GALP: variants seen among roughly 807,000 people sequenced by gnomAD.
GALP encodes galanin like peptide.
A neutral mutation model predicts 15.2 loss-of-function variants in GALP; 12 were observed. The observed-to-expected ratio is 0.79, with a 90% CI of 0.51 to 1.28. The LOEUF (loss-of-function observed/expected upper bound fraction) is 1.28, where lower values mean the gene tolerates loss of function less well. GALP is among the 50% of genes most tolerant of loss of function. The probability of loss-of-function intolerance (pLI) is 0.00; values close to 1 mark genes in which losing one functional copy is unlikely to be tolerated. For synonymous variants in GALP, 58 were observed against 55.1 expected (o/e 1.05, Z -0.23); for missense variants, 161 against 145.6 (o/e 1.11, Z -0.55).
At position 56,185,228 on chromosome 19, in the gene GALP, C is replaced by T. The variant is rs772755084; in HGVS notation, c.309C>T (p.Leu103=). ...AKPEIGDLGM[L]SMKIPKEEDV... is the part of the protein sequence containing the mutation. ...TCTTTCCCACAGATCTGGGCATGCT[C>T]AGCATGAAAATTCCCAAGGAGGAAG... The change falls in exon 6 of 6, where the codon CTC becomes CTT. Residue 103 remains leucine, a synonymous_variant. Coordinates refer to ENST00000357330, the MANE Select transcript of GALP (RefSeq NM_033106.4). 13 of 1,607,542 alleles carry T rather than the reference C, an allele frequency of 8.1e-6. No individual in the cohort carries two copies. Among genetic ancestry groups the T allele is most frequent in the South Asian group, 4.4e-5 (4 of 90,666 alleles).
chr19:56,182,868 T>C (rs553470331), intron 4 of GALP, among the ~76,000 whole-genome samples: 1 of 152,240 alleles, frequency 6.6e-6, no homozygotes, highest in East Asian at 1.9e-4. Flanking sequence ...TTTTAAACTT[T>C]TATTTTAGGT....
At chr19:56,180,733 ACT>A in intron 3 of GALP, 99 bp downstream of exon 3, 1 of 893,320 alleles carries the variant, frequency 1.1e-6, no homozygotes, top group Non-Finnish European at 1.8e-6. Context: ...ACCCACATTC[ACT>A]GAGGCCCATG....
intron 5 of GALP, among the ~76,000 whole-genome samples, chr19:56,184,644 T>C (rs901611212): frequency 2.0e-5 from 3 of 151,722 alleles, no homozygotes; most frequent in Non-Finnish European, 4.4e-5. Flanking sequence ...CCACCACGCC[T>C]GGCTAATTTT....
chr19:56,180,582 C>T lies in GALP; in HGVS notation c.88-4C>T, dbSNP rs375299451. On this transcript the variant is annotated splice_polypyrimidine_tract_variant and splice_region_variant and intron_variant, in intron 2 of 5. Coordinates refer to ENST00000357330, the MANE Select transcript of GALP (RefSeq NM_033106.4). ...TGAGTCTTGATTTCTGCATCTCTAT[C>T]CAGGGACGAGGAGGCTGGACCCTCA... The T allele has an allele frequency of 9.9e-6, 16 of 1,613,564 alleles. No homozygotes were observed. In the African/African-American group the frequency reaches 2.0e-4, roughly 20 times the overall value.
intron 2 of GALP, among the ~76,000 whole-genome samples, chr19:56,178,518 CAACA>C (rs1233502033): frequency 5.2e-5 from 3 of 57,398 alleles, no homozygotes; most frequent in African/African-American, 2.0e-4. Flanking sequence ...CTAACAACAA[CAACA>C]AAAAAAAAAA....
At position 56,183,156 on chromosome 19, in the gene GALP, C is replaced by T; in HGVS notation, c.239C>T (p.Pro80Leu). The change falls in exon 5 of 6, where the codon CCT (proline) becomes CTT (leucine). Residue 80 changes from proline (P) to leucine (L), a missense_variant. By Grantham distance (98) the Pro-to-Leu change is moderately conservative. Transcript: ENST00000357330. ...CTAGACGGGCTCCCCTACTCCCACC[C>T]TCCACAGCCCTCCAAGAGGAATGTG... Reference protein sequence around the residue: ...KAIDGLPYSHPPQPSKRNVME... With the variant: ...KAIDGLPYSHLPQPSKRNVME... 8.1e-6 allele frequency: 13 copies of T among 1,613,658 alleles called. No homozygotes were observed. Among genetic ancestry groups the T allele is most frequent in the Non-Finnish European group, 1.1e-5 (13 of 1,179,616 alleles).
intron 5 of GALP, among the ~76,000 whole-genome samples, chr19:56,184,933 C>G (rs951888478): frequency 2.6e-5 from 4 of 152,206 alleles, no homozygotes; most frequent in Non-Finnish European, 5.9e-5. Context: ...CATTCTGACT[C>G]TTGAAAACAC....
rs2032547417 is a variant in GALP at position 56,180,625 on chromosome 19, C to T, written c.127C>T (p.Leu43=). The part of the protein sequence containing the change: ...GWTLNSAGYL[L]GPVLHLPQMG... ...GACCCTCAATAGTGCTGGCTACCTT[C>T]TGGGTCCCGGTGAGTGAGGCTGCGC... is the stretch of plus-strand genomic sequence containing the variant. Residue 43 remains leucine (L), a synonymous_variant, in exon 3 of 6, where the codon CTG becomes TTG. Transcript: ENST00000357330. 6.2e-7 allele frequency: 1 copy of T among 1,613,830 alleles called. No individual in the cohort carries two copies. The highest frequency in any genetic ancestry group is 1.3e-5 in the African/African-American group (1 of 74,916).
chr19:56,182,301 G>A (rs1337446590), intron 4 of GALP, 49 bp downstream of exon 4: 1 of 1,403,454 alleles, frequency 7.1e-7, no homozygotes, highest in South Asian at 1.2e-5. Context: ...TCCCCTGCGG[G>A]CTCTCTCCTG....
At chr19:56,183,611 T>A (rs926558346) in intron 5 of GALP, among the ~76,000 whole-genome samples, 1 of 152,148 alleles carries the variant, frequency 6.6e-6, no homozygotes, top group Non-Finnish European at 1.5e-5. Context: ...TTATTTATTT[T>A]TTGGGGATGA....
chr19:56,181,395 C>CTTTTTTTTT (rs10656072), intron 3 of GALP, among the ~76,000 whole-genome samples: 1 of 81,316 alleles, frequency 1.2e-5, no homozygotes, highest in African/African-American at 5.8e-5. Context: ...TCTCTCTCTC[C>CTTTTTTTTT]TTTTTTTTTT....
chr19:56,177,605 C>G (rs1348738951), intron 2 of GALP, among the ~76,000 whole-genome samples: 2 of 152,178 alleles, frequency 1.3e-5, no homozygotes, highest in Non-Finnish European at 2.9e-5. Context: ...ATCCACCCGC[C>G]TTGGCCTCCC....
In GALP at chr19:56,177,085, T is replaced by C; in HGVS notation, c.-24T>C. ...CTCCTTGCAGCGTGTTCCGCAGCTG[T>C]AGGCACCTGTCGTCCTGCCTTCGAT... is the stretch of plus-strand genomic sequence containing the variant. On this transcript the variant is annotated 5_prime_UTR_variant, in exon 2 of 6. Transcript: ENST00000357330. 6.3e-7 allele frequency: 1 copy of C among 1,589,186 alleles called. No individual in the cohort carries two copies.
At chr19:56,178,801 T>G (rs1446137035) in intron 2 of GALP, among the ~76,000 whole-genome samples, 1 of 152,164 alleles carries the variant, frequency 6.6e-6, no homozygotes, top group African/African-American at 2.4e-5. Context: ...TCCTTTGCAG[T>G]TGGTTCTATT....
chr19:56,184,687 G>T (rs1330908001), intron 5 of GALP, among the ~76,000 whole-genome samples: 1 of 151,480 alleles, frequency 6.6e-6, no homozygotes, highest in African/African-American at 2.4e-5. Context: ...GTTTCACCAT[G>T]TTAGCCAGGA....
At chr19:56,179,703 A>T (rs528230606) in intron 2 of GALP, among the ~76,000 whole-genome samples, 2 of 144,120 alleles carry the variant, frequency 1.4e-5, no homozygotes, top group African/African-American at 5.2e-5. Context: ...GAGTGCAGGG[A>T]TGAGATCATA....
intron 2 of GALP, among the ~76,000 whole-genome samples, chr19:56,178,568 C>A (rs913861291): frequency 6.7e-6 from 1 of 149,132 alleles, no homozygotes; most frequent in African/African-American, 2.5e-5. Flanking sequence ...CATTCAGCTG[C>A]CCTGAGTTGG....
At position 56,177,063 on chromosome 19, in the gene GALP, C is replaced by T. The variant is rs2032475996; in HGVS notation, c.-39-7C>T. The stretch of plus-strand genomic sequence containing the variant: ...TCGGAAAATGACTGGCCGCTCTCTC[C>T]TTGCAGCGTGTTCCGCAGCTGTAGG... On this transcript the variant is annotated splice_region_variant and splice_polypyrimidine_tract_variant and intron_variant, in intron 1 of 5. Transcript: ENST00000357330. 6 of 1,465,520 alleles carry T rather than the reference C, an allele frequency of 4.1e-6. No individual in the cohort carries two copies. The Admixed American group carries it at 7.1e-5, about 17-fold the overall frequency. 90.8% of individuals were successfully genotyped at this position (1,465,520 alleles called of 1,614,324 possible).
chr19:56,177,312 C>G, intron 2 of GALP, 117 bp downstream of exon 2: 1 of 807,878 alleles, frequency 1.2e-6, no homozygotes, highest in Non-Finnish European at 2.0e-6. Flanking sequence ...AAGCTCAAAT[C>G]CTGAAAATAT....
Sources: gnomAD v4.1 joint callset for allele counts (sites outside exome capture counted in the v4.1 genomes callset) on GRCh38, gnomAD v4.1.1 for gene constraint, MANE v1.5 for transcripts, NCBI Gene and HGNC (gene_info 2026-07-23, HGNC 2026-07-21) for gene names.